ZSCAN25: variants seen among roughly 807,000 people sequenced by gnomAD.
The protein encoded by ZSCAN25 is zinc finger and SCAN domain-containing protein 25.
ZSCAN25 carries 27 observed loss-of-function variants against 38.7 expected under a neutral mutation model. The observed-to-expected ratio is 0.70, with a 90% CI of 0.51 to 0.96. The LOEUF (loss-of-function observed/expected upper bound fraction) is 0.96. Ranked by LOEUF, ZSCAN25 falls within the 40% of genes least tolerant of loss-of-function variation. The pLI is 0.00. For synonymous variants in ZSCAN25, 273 were observed against 277.7 expected (o/e 0.98, Z 0.17); for missense variants, 637 against 705.9 (o/e 0.90, Z 1.11).
the ZSCAN25 span, chr7:99,650,040 A>G: frequency 6.2e-7 from 1 of 1,611,254 alleles, no homozygotes; most frequent in Admixed American, 1.7e-5. Flanking sequence ...AGTTAAAAAA[A>G]TTCTTAATAA....
At chr7:99,621,916 C>T (rs1052469247) in intron 5 of ZSCAN25, 7 of 168,696 alleles carry the variant, frequency 4.1e-5, no homozygotes, top group Admixed American at 2.6e-4. Context: ...TAATATGTAG[C>T]TTTCTTTCTT....
the ZSCAN25 span, among the ~76,000 whole-genome samples, chr7:99,711,923 G>T: frequency 6.6e-6 from 1 of 152,166 alleles, no homozygotes; most frequent in Admixed American, 6.5e-5. Flanking sequence ...TCTTTGAGAG[G>T]CACCAGGTAA....
chr7:99,726,348 T>C, the ZSCAN25 span, among the ~76,000 whole-genome samples: 1 of 152,176 alleles, frequency 6.6e-6, no homozygotes, highest in Non-Finnish European at 1.5e-5. Flanking sequence ...ACTCTCCTTA[T>C]AATTCCCCCA....
the ZSCAN25 span, among the ~76,000 whole-genome samples, chr7:99,677,645 A>G: frequency 6.6e-6 from 1 of 152,198 alleles, no homozygotes; most frequent in African/African-American, 2.4e-5. Context: ...GGTTTGGAGG[A>G]CTCAGCAGGG....
chr7:99,638,620 A>C, the ZSCAN25 span: 3 of 1,584,738 alleles, frequency 1.9e-6, no homozygotes, highest in Non-Finnish European at 2.6e-6. Context: ...CACTGTCTCC[A>C]CGTTGAAACC....
At chr7:99,638,206 T>G in the ZSCAN25 span, 1 of 1,463,364 alleles carries the variant, frequency 6.8e-7, no homozygotes, top group Non-Finnish European at 9.1e-7. Flanking sequence ...GTTTTTGATT[T>G]CTCTCCTTCC....
At chr7:99,638,857 T>A in the ZSCAN25 span, 1 of 622,602 alleles carries the variant, frequency 1.6e-6, no homozygotes, top group Non-Finnish European at 2.9e-6. Context: ...AAACGAAGGC[T>A]CCCAGCCTTT....
the ZSCAN25 span, among the ~76,000 whole-genome samples, chr7:99,664,460 T>C: frequency 1.1e-4 from 17 of 152,186 alleles, no homozygotes; most frequent in African/African-American, 1.4e-4. Flanking sequence ...ATAGTCAAGA[T>C]AGAATTAACA....
At chr7:99,632,462 A>C (rs1313954779), downstream of ZSCAN25, 2 of 196,004 alleles carry the variant, frequency 1.0e-5, no homozygotes, top group African/African-American at 4.7e-5. Context: ...TGAAGTTTCG[A>C]AGTGTATCCC....
chr7:99,711,779 C>A, the ZSCAN25 span, among the ~76,000 whole-genome samples: 1 of 64,170 alleles, frequency 1.6e-5, no homozygotes, highest in Non-Finnish European at 6.7e-5. Flanking sequence ...CAAAACAAAA[C>A]AAAACAACAA....
chr7:99,735,899 G>A, the ZSCAN25 span, among the ~76,000 whole-genome samples: 1 of 152,156 alleles, frequency 6.6e-6, no homozygotes, highest in Admixed American at 6.5e-5. Flanking sequence ...CTGGGCCCCT[G>A]TGTGTCACTT....
At chr7:99,726,389 A>C in the ZSCAN25 span, among the ~76,000 whole-genome samples, 1 of 152,344 alleles carries the variant, frequency 6.6e-6, no homozygotes, top group East Asian at 1.9e-4. Context: ...GACAAGTCTT[A>C]CAGGTTTGTT....
the ZSCAN25 span, chr7:99,722,144 CA>C: frequency 1.1e-6 from 1 of 936,452 alleles, no homozygotes; most frequent in South Asian, 1.5e-5. Context: ...CTCCCAAATA[CA>C]TATCTTCTTC....
chr7:99,623,511 A>C (rs916806850), intron 6 of ZSCAN25, among the ~76,000 whole-genome samples: 8 of 152,214 alleles, frequency 5.3e-5, no homozygotes, highest in African/African-American at 1.7e-4. Flanking sequence ...TGAAGAAGAA[A>C]AGGTGTTTGG....
chr7:99,646,444 A>G, the ZSCAN25 span, among the ~76,000 whole-genome samples: 110 of 152,278 alleles, frequency 7.2e-4, no homozygotes, highest in African/African-American at 2.6e-3. Flanking sequence ...TTGATTTTGT[A>G]TCCTGCAAAT....
intron 6 of ZSCAN25, 113 bp from the exon 7 acceptor site, chr7:99,623,944 C>T (rs1807227675): frequency 6.9e-7 from 1 of 1,459,356 alleles, no homozygotes; most frequent in Non-Finnish European, 9.4e-7. Context: ...GTGGATTACT[C>T]CCATTCAACT....
chr7:99,648,865 C>T, the ZSCAN25 span, among the ~76,000 whole-genome samples: 2,576 of 152,180 alleles, frequency 0.017, 62 homozygotes, highest in African/African-American at 0.057. Context: ...GTCTAGTAAC[C>T]CTTCCCAGTT....
the ZSCAN25 span, among the ~76,000 whole-genome samples, chr7:99,682,937 T>G: frequency 3.3e-5 from 5 of 152,196 alleles, no homozygotes; most frequent in African/African-American, 9.7e-5. Flanking sequence ...CATGCAGAAA[T>G]GCTACTGGTT....
chr7:99,634,869 G>T (rs1329309430), downstream of ZSCAN25, among the ~76,000 whole-genome samples: 1 of 152,244 alleles, frequency 6.6e-6, no homozygotes, highest in East Asian at 1.9e-4. Context: ...TTGAACCCGG[G>T]GGGCGGAGGT....
Sources: gnomAD v4.1 joint callset for allele counts (sites outside exome capture counted in the v4.1 genomes callset) on GRCh38, gnomAD v4.1.1 for gene constraint, MANE v1.5 for transcripts, NCBI Gene and HGNC (gene_info 2026-07-23, HGNC 2026-07-21) for gene names.